DNAH14: variants seen among roughly 807,000 people sequenced by gnomAD.
The protein encoded by DNAH14 is dynein axonemal heavy chain 14, also known as axonemal beta dynein heavy chain 14.
DNAH14 carries 478 observed loss-of-function variants against 520.9 expected under a neutral mutation model. The observed-to-expected ratio is 0.92, with a 90% CI of 0.85 to 0.99. DNAH14 has a LOEUF of 0.99. Among genes scored for constraint, DNAH14 ranks in the 50% least tolerant of loss-of-function variants. The pLI, the probability that DNAH14 is intolerant of heterozygous loss-of-function variation, is 0.00. For missense variants in DNAH14, 4,831 were observed against 5,234.5 expected (o/e 0.92, Z 2.38); for synonymous variants, 1,581 against 1,757.2 (o/e 0.90, Z 2.51).
Position 225,023,882 on chromosome 1 carries a change from A to G in DNAH14, c.1358+17A>G, listed in dbSNP as rs1204948885. On this transcript the variant is annotated intron_variant, in intron 11 of 85. Coordinates refer to ENST00000682510, the MANE Select transcript of DNAH14 (RefSeq NM_001367479.1). Reference sequence around the variant, plus strand: ...TCTTATCAGGTAAATTACTTTTTTGAAGTCAAAAAGTAACTTACAATTATA... The same window carrying G: ...TCTTATCAGGTAAATTACTTTTTTGGAGTCAAAAAGTAACTTACAATTATA... 3 of 1,502,730 alleles carry G rather than the reference A, an allele frequency of 2.0e-6. No individual in the cohort carries two copies. The South Asian group carries it at 3.9e-5, about 19-fold the overall frequency. The allele number at this position is 1,502,730 out of a possible 1,614,324, so 93.1% of individuals were successfully genotyped here. A position where few individuals can be genotyped will look rare whatever the true frequency, so the allele number is the denominator to read the frequency against.
chr1:225,147,412 C>T (rs1034345294), intron 31 of DNAH14, among the ~76,000 whole-genome samples, 163 bp downstream of exon 31: 6 of 151,906 alleles, frequency 3.9e-5, no homozygotes, highest in African/African-American at 1.5e-4. Context: ...TGAATGTTTC[C>T]ATTACTTGGC....
Position 225,324,828 on chromosome 1 carries a change from A to G in DNAH14, c.9719A>G (p.Gln3240Arg). The change falls in exon 64 of 86, where the codon CAG (glutamine) becomes CGG (arginine). Residue 3240 changes from glutamine to arginine, a missense_variant. Coordinates refer to ENST00000682510, the MANE Select transcript of DNAH14 (RefSeq NM_001367479.1). The part of the protein sequence containing the change: ...QRLAEKQRGL[Q>R]LVEEHLLFLQ... ...CTTGCTGAGAAACAAAGAGGTTTAC[A>G]GCTGGTAAGAAATACAGTTCAGTTC... 1 of 1,550,978 alleles carries G rather than the reference A, an allele frequency of 6.4e-7. No homozygotes were observed. Among genetic ancestry groups the G allele is most frequent in the South Asian group, 1.2e-5 (1 of 84,024 alleles).
chr1:224,968,324 TC>T (rs765154432), intron 6 of DNAH14, among the ~76,000 whole-genome samples: 11 of 150,108 alleles, frequency 7.3e-5, no homozygotes, highest in Non-Finnish European at 1.0e-4. Flanking sequence ...GAGAGAGAAC[TC>T]CTTGATGAAG....
intron 7 of DNAH14, among the ~76,000 whole-genome samples, chr1:224,971,429 TC>T (rs2061495818): frequency 6.6e-6 from 1 of 152,198 alleles, no homozygotes; most frequent in African/African-American, 2.4e-5. Context: ...TGTTATCATG[TC>T]CCTATTTTGT....
At chr1:225,255,587 G>C (rs1334315587) in intron 44 of DNAH14, among the ~76,000 whole-genome samples, 6 of 152,136 alleles carry the variant, frequency 3.9e-5, no homozygotes, top group African/African-American at 7.2e-5. Context: ...TTGGGATTAA[G>C]GGAATCCCTG....
chr1:225,059,318 C>T (rs1049323618), intron 17 of DNAH14, among the ~76,000 whole-genome samples: 2 of 152,058 alleles, frequency 1.3e-5, no homozygotes, highest in African/African-American at 4.8e-5. Context: ...GTTGGTTTAA[C>T]ATCTGTTTTA....
intron 39 of DNAH14, 61 bp from the exon 40 acceptor site, chr1:225,205,910 G>A (rs1486254601): frequency 7.3e-7 from 1 of 1,363,468 alleles, no homozygotes; most frequent in African/African-American, 1.5e-5. Context: ...AAATTAGCAA[G>A]ATTGTAATGA....
At chr1:225,021,321 G>A (rs2501116) in intron 10 of DNAH14, among the ~76,000 whole-genome samples, 152,044 of 152,318 alleles carry the variant, frequency 1, 75,885 homozygotes, top group Middle Eastern at 1. Context: ...AGAGAGAGAA[G>A]CATAAGGCAT....
At position 225,290,012 on chromosome 1, in the gene DNAH14, A is replaced by G; in HGVS notation, c.8399A>G (p.Lys2800Arg). ...AYIEFKEVFK[K>R]VFIHAGLKGK... ...ATCGAATTCAAAGAAGTCTTTAAAA[A>G]GGTGTTTATTCACGCAGGATTAAAA... Residue 2800 changes from lysine to arginine, a missense_variant, in exon 55 of 86, where the codon AAG becomes AGG. Coordinates refer to ENST00000682510, the MANE Select transcript of DNAH14 (RefSeq NM_001367479.1). 6.5e-7 allele frequency: 1 copy of G among 1,539,116 alleles called. No individual in the cohort carries two copies. The highest frequency in any genetic ancestry group is 8.8e-7 in the Non-Finnish European group (1 of 1,140,176).
chr1:225,260,098 C>G (rs1017932365), intron 46 of DNAH14, among the ~76,000 whole-genome samples: 4 of 152,096 alleles, frequency 2.6e-5, no homozygotes, highest in African/African-American at 9.7e-5. Context: ...CGCCTGTAAT[C>G]CCAGCACTTT....
chr1:225,187,056 C>G (rs1194180006), intron 37 of DNAH14, among the ~76,000 whole-genome samples: 3 of 151,716 alleles, frequency 2.0e-5, no homozygotes, highest in African/African-American at 7.2e-5. Flanking sequence ...CATAGGAACA[C>G]TCCTTGCTAT....
intron 9 of DNAH14, among the ~76,000 whole-genome samples, chr1:225,006,396 G>A (rs914224576): frequency 6.6e-6 from 1 of 152,298 alleles, no homozygotes; most frequent in Non-Finnish European, 1.5e-5. Context: ...GGGCCGGGCA[G>A]AACAGAGTCA....
chr1:224,972,243 A>G (rs909909770), intron 7 of DNAH14, among the ~76,000 whole-genome samples: 7 of 152,100 alleles, frequency 4.6e-5, no homozygotes, highest in Middle Eastern at 3.2e-3. Context: ...ACTTAATTTT[A>G]TATTTACTGA....
chr1:225,215,271 G>A (rs12094052), intron 41 of DNAH14, among the ~76,000 whole-genome samples: 23,447 of 152,022 alleles, frequency 0.15, 2,118 homozygotes, highest in East Asian at 0.36. Context: ...GGTCTGAGAG[G>A]TAGTTCGTTA....
At chr1:225,134,001 G>A (rs1422292883) in intron 27 of DNAH14, among the ~76,000 whole-genome samples, 1 of 152,062 alleles carries the variant, frequency 6.6e-6, no homozygotes, top group East Asian at 1.9e-4. Flanking sequence ...GTGAATGAGA[G>A]TTCATTCATG....
At chr1:225,272,196 A>G in intron 51 of DNAH14, 123 bp downstream of exon 51, 1 of 954,412 alleles carries the variant, frequency 1.0e-6, no homozygotes, top group Non-Finnish European at 1.5e-6. Flanking sequence ...TTTTGCTATT[A>G]GCAGCTTATC....
intron 3 of DNAH14, 151 bp from the exon 4 acceptor site, chr1:224,960,002 G>T: frequency 1.6e-6 from 1 of 642,938 alleles, no homozygotes; most frequent in Non-Finnish European, 2.4e-6. Context: ...TATGAGCTTG[G>T]AACCCAGGCA....
At chr1:224,987,961 A>G (rs2062762606) in intron 8 of DNAH14, among the ~76,000 whole-genome samples, 1 of 152,082 alleles carries the variant, frequency 6.6e-6, no homozygotes, top group South Asian at 2.1e-4. Context: ...ACATAGGTAA[A>G]TGTGTGCCAT....
Position 225,085,569 on chromosome 1 carries a change from A to C in DNAH14, c.3353A>C (p.Asn1118Thr). 6.5e-7 allele frequency: 1 copy of C among 1,547,282 alleles called. No individual in the cohort carries two copies. Among genetic ancestry groups the C allele is most frequent in the Non-Finnish European group, 8.7e-7 (1 of 1,143,390 alleles). Residue 1118 changes from asparagine (N) to threonine (T), a missense_variant, in exon 21 of 86, where the codon AAT (asparagine) becomes ACT (threonine). By Grantham distance (65) the Asn-to-Thr change is moderately conservative. Coordinates refer to ENST00000682510, the MANE Select transcript of DNAH14 (RefSeq NM_001367479.1). ...LKMFQYENEI[N>T]DMSTSATNEA... Reference sequence around the variant, plus strand: ...ATGTTTCAGTATGAAAATGAAATAAATGATATGTCAACCTCAGCAACTAAT... The same window carrying C: ...ATGTTTCAGTATGAAAATGAAATAACTGATATGTCAACCTCAGCAACTAAT...
Sources: gnomAD v4.1 joint callset for allele counts (sites outside exome capture counted in the v4.1 genomes callset) on GRCh38, gnomAD v4.1.1 for gene constraint, MANE v1.5 for transcripts, NCBI Gene and HGNC (gene_info 2026-07-23, HGNC 2026-07-21) for gene names.